SLC38A6: variants seen among roughly 807,000 people sequenced by gnomAD.
SLC38A6 encodes solute carrier family 38 member 6.
In SLC38A6, 73 loss-of-function variants were observed where a neutral mutation model predicts 65.0. That is an observed-to-expected ratio of 1.12 (90% CI 0.93 to 1.37). The LOEUF (loss-of-function observed/expected upper bound fraction) is 1.37, where lower values mean the gene tolerates loss of function less well. SLC38A6 is among the 40% of genes most tolerant of loss of function. The pLI, the probability that SLC38A6 is intolerant of heterozygous loss-of-function variation, is 0.00. For missense variants in SLC38A6, 561 were observed against 531.1 expected, an observed-to-expected ratio of 1.06 and a Z score of -0.55; for synonymous variants, 183 against 178.8, an observed-to-expected ratio of 1.02 and a Z score of -0.19.
intron 8 of SLC38A6, among the ~76,000 whole-genome samples, chr14:61,041,803 G>A (rs1247609137): frequency 1.3e-5 from 2 of 152,128 alleles, no homozygotes; most frequent in African/African-American, 4.8e-5. Context: ...GGGAGGCTGA[G>A]GTGGAAGGAT....
rs369076483 is a variant in SLC38A6 at position 61,037,169 on chromosome 14, T to C, written c.565+28T>C. The C allele has an allele frequency of 7.4e-6, 11 of 1,493,662 alleles. No homozygotes were observed. The South Asian group carries it at 1.3e-4, about 18-fold the overall frequency. 92.5% of individuals were successfully genotyped at this position (1,493,662 alleles called of 1,614,324 possible). Reference sequence around the variant, plus strand: ...AAGTCTTTATAGAGCACATTATTTGTTTAGAAAAAGGAAAGAAGGGAGGGA... The same window carrying C: ...AAGTCTTTATAGAGCACATTATTTGCTTAGAAAAAGGAAAGAAGGGAGGGA... On this transcript the variant is annotated intron_variant, in intron 7 of 15. Coordinates refer to ENST00000267488, the MANE Select transcript of SLC38A6 (RefSeq NM_153811.3).
intron 15 of SLC38A6, among the ~76,000 whole-genome samples, chr14:61,061,805 C>G (rs900568361): frequency 3.5e-5 from 5 of 144,594 alleles, no homozygotes; most frequent in Admixed American, 1.4e-4. Flanking sequence ...TAAAGCTGCT[C>G]TAAGCATTCG....
rs1224462593 is a variant in SLC38A6 at position 60,990,185 on chromosome 14, C to G, written c.310+5382C>G. ...AGGTGGGATTATAGATGTGTGCCACCACACCCAGATAAGTTTTGTATTTTT... is the reference window on the plus strand; with the variant it reads ...AGGTGGGATTATAGATGTGTGCCACGACACCCAGATAAGTTTTGTATTTTT... On this transcript the variant is annotated intron_variant, in intron 3 of 15. Transcript: ENST00000267488. Among the ~76,000 whole-genome samples the G allele has an allele frequency of 4.6e-5, 7 of 152,130 alleles. No homozygotes were observed. The East Asian group carries it at 1.4e-3, about 29-fold the overall frequency.
At chr14:61,054,895 T>C (rs1329326693), downstream of SLC38A6, among the ~76,000 whole-genome samples, 1 of 152,120 alleles carries the variant, frequency 6.6e-6, no homozygotes, top group African/African-American at 2.4e-5. Flanking sequence ...TCCAATACTA[T>C]GTTGAATAGG....
chr14:60,998,109 G>A (rs2038422033), intron 3 of SLC38A6, among the ~76,000 whole-genome samples: 1 of 151,560 alleles, frequency 6.6e-6, no homozygotes, highest in Non-Finnish European at 1.5e-5. Flanking sequence ...ATAAGGCATA[G>A]TGATATCTTA....
chr14:61,061,994 C>A (rs917341846), intron 15 of SLC38A6, among the ~76,000 whole-genome samples: 2 of 152,050 alleles, frequency 1.3e-5, no homozygotes, highest in Non-Finnish European at 2.9e-5. Context: ...CCCACCACTA[C>A]GCCTGGCTAA....
chr14:61,051,883 T>G lies in SLC38A6; in HGVS notation c.1147T>G (p.Leu383Val). ...ITLALNIIIV[L>V]LAIYVPDIRN... ...TCTAGCACTCAATATTATCATCGTT[T>G]TACTTGCAATATATGTTCCTGACAT... is the stretch of plus-strand genomic sequence containing the variant. Residue 383 changes from leucine (L) to valine (V), a missense_variant, in exon 14 of 16, where the codon TTA becomes GTA. Leu to Val is a conservative substitution (Grantham distance 32, BLOSUM62 1). Coordinates refer to ENST00000267488, the MANE Select transcript of SLC38A6 (RefSeq NM_153811.3). 1 of 1,612,284 alleles carries G rather than the reference T, an allele frequency of 6.2e-7. No individual in the cohort carries two copies. Among genetic ancestry groups the G allele is most frequent in the African/African-American group, 1.3e-5 (1 of 74,962 alleles).
chr14:61,072,637 T>G (rs755873794), intron 15 of SLC38A6, among the ~76,000 whole-genome samples: 2 of 152,224 alleles, frequency 1.3e-5, no homozygotes, highest in Non-Finnish European at 2.9e-5. Flanking sequence ...GATGTTTGTC[T>G]TTCTGTGTCT....
chr14:61,036,836 G>A (rs945231747), intron 6 of SLC38A6, among the ~76,000 whole-genome samples: 1 of 151,782 alleles, frequency 6.6e-6, no homozygotes, highest in East Asian at 1.9e-4. Flanking sequence ...GTTGGAAATG[G>A]CATCTCTTTG....
chr14:61,068,333 A>C (rs1323619234), intron 15 of SLC38A6, among the ~76,000 whole-genome samples: 1 of 152,184 alleles, frequency 6.6e-6, no homozygotes, highest in African/African-American at 2.4e-5. Flanking sequence ...AATTCAAATC[A>C]GATTATATTG....
chr14:61,011,057 A>C (rs1339782273), intron 3 of SLC38A6, among the ~76,000 whole-genome samples: 1 of 151,950 alleles, frequency 6.6e-6, no homozygotes. Flanking sequence ...CTTTTATTTC[A>C]TTGAGCAGTG....
intron 15 of SLC38A6, among the ~76,000 whole-genome samples, chr14:61,075,881 G>A (rs1368714468): frequency 2.0e-5 from 3 of 150,460 alleles, no homozygotes; most frequent in South Asian, 2.1e-4. Context: ...TTGAAACGGA[G>A]TTTCACTTTT....
At chr14:61,012,005 T>A (rs892933119) in intron 3 of SLC38A6, among the ~76,000 whole-genome samples, 9 of 152,206 alleles carry the variant, frequency 5.9e-5, no homozygotes, top group African/African-American at 2.2e-4. Context: ...TGTGATTGCA[T>A]CTGGTCCTGG....
chr14:61,023,998 G>T (rs1337041693), intron 5 of SLC38A6, among the ~76,000 whole-genome samples: 1 of 152,122 alleles, frequency 6.6e-6, no homozygotes, highest in African/African-American at 2.4e-5. Context: ...TAGTGACCTG[G>T]CTTAGTACTC....
At chr14:61,049,981 A>T (rs2042408444) in intron 12 of SLC38A6, among the ~76,000 whole-genome samples, 1 of 152,194 alleles carries the variant, frequency 6.6e-6, no homozygotes, top group Non-Finnish European at 1.5e-5. Flanking sequence ...TAAAACATGA[A>T]TCCACAGATG....
intron 8 of SLC38A6, among the ~76,000 whole-genome samples, chr14:61,041,714 C>T (rs2041827478): frequency 6.6e-6 from 1 of 152,152 alleles, no homozygotes; most frequent in Admixed American, 6.5e-5. Flanking sequence ...GCCTGGGCAA[C>T]ATGGCAAAAT....
chr14:61,062,385 G>A (rs1048241662), intron 15 of SLC38A6, among the ~76,000 whole-genome samples: 1 of 151,942 alleles, frequency 6.6e-6, no homozygotes, highest in Non-Finnish European at 1.5e-5. Flanking sequence ...GTGGTATCTC[G>A]TTGTTTTAGT....
intron 3 of SLC38A6, among the ~76,000 whole-genome samples, chr14:61,008,954 T>C (rs977035340): frequency 1.3e-5 from 2 of 152,196 alleles, no homozygotes; most frequent in Non-Finnish European, 2.9e-5. Flanking sequence ...AGGGATGTTC[T>C]TGAGTAATTG....
Position 61,036,197 on chromosome 14 carries a change from A to G in SLC38A6, c.483-862A>G, listed in dbSNP as rs1355565366. ...TGTTTTTCCTCAAAATTATCATGCT[A>G]TATACACACAAATATATGATGTTTA... is the stretch of plus-strand genomic sequence containing the variant. On this transcript the variant is annotated intron_variant, in intron 6 of 15. Coordinates refer to ENST00000267488, the MANE Select transcript of SLC38A6 (RefSeq NM_153811.3). Among the ~76,000 whole-genome samples the G allele has an allele frequency of 3.3e-5, 5 of 152,282 alleles. No homozygotes were observed. The East Asian group carries it at 7.7e-4, about 23-fold the overall frequency.
Sources: gnomAD v4.1 joint callset for allele counts (sites outside exome capture counted in the v4.1 genomes callset) on GRCh38, gnomAD v4.1.1 for gene constraint, MANE v1.5 for transcripts, NCBI Gene and HGNC (gene_info 2026-07-23, HGNC 2026-07-21) for gene names.